GRAMD1B: variants seen among roughly 807,000 people sequenced by gnomAD.
GRAMD1B encodes GRAM domain containing 1B.
A neutral mutation model predicts 99.7 loss-of-function variants in GRAMD1B; 37 were observed. That is an observed-to-expected ratio of 0.37 (90% confidence interval 0.29 to 0.49). GRAMD1B has a LOEUF of 0.49. GRAMD1B is among the 20% of genes least tolerant of loss of function. GRAMD1B has a pLI of 0.98. For missense variants in GRAMD1B, 888 were observed against 1,009.2 expected (o/e 0.88, Z 1.63); for synonymous variants, 427 against 387.6 (o/e 1.10, Z -1.19).
intron 1 of GRAMD1B, among the ~76,000 whole-genome samples, chr11:123,398,575 T>C (rs1008132864): frequency 2.6e-5 from 4 of 152,346 alleles, no homozygotes; most frequent in African/African-American, 9.6e-5. Context: ...TTGTTCCACA[T>C]CCTTGGCACC....
chr11:123,593,617 G>A (rs1950921690), intron 4 of GRAMD1B, among the ~76,000 whole-genome samples: 1 of 152,120 alleles, frequency 6.6e-6, no homozygotes, highest in Non-Finnish European at 1.5e-5. Flanking sequence ...TTCCCACACA[G>A]CCAAGTGCTC....
chr11:123,407,589 A>C (rs552205954), intron 1 of GRAMD1B, among the ~76,000 whole-genome samples: 7 of 152,262 alleles, frequency 4.6e-5, no homozygotes, highest in Middle Eastern at 3.4e-3. Flanking sequence ...TGGTCACACC[A>C]CCAGGTGATC....
rs571279314 is a variant in GRAMD1B at position 123,472,239 on chromosome 11, A to G, written c.375-8577A>G. On this transcript the variant is annotated intron_variant, in intron 1 of 19. Coordinates refer to ENST00000635736, the MANE Select transcript of GRAMD1B (RefSeq NM_001387025.1). ...CAAGACTCTGTCTCAAAAAAAAAAA[A>G]AGAGAAAAAGAAAAAAGAAAGAAGT... 1.7e-3 allele frequency among the ~76,000 whole-genome samples: 262 copies of G among 150,612 alleles called. 1 individual carries two copies. The highest frequency in any genetic ancestry group is 5.9e-3 in the African/African-American group (245 of 41,230).
intron 2 of GRAMD1B, among the ~76,000 whole-genome samples, chr11:123,561,005 C>A (rs1046047813): frequency 2.0e-5 from 3 of 152,110 alleles, no homozygotes; most frequent in Non-Finnish European, 2.9e-5. Flanking sequence ...CCCTCCCTAG[C>A]CTTTTCTTTT....
intron 1 of GRAMD1B, among the ~76,000 whole-genome samples, chr11:123,475,661 G>A (rs1196889581): frequency 6.6e-6 from 1 of 152,180 alleles, no homozygotes; most frequent in East Asian, 1.9e-4. Context: ...CCAAATCCTA[G>A]TTTAGAGTTT....
intron 1 of GRAMD1B, among the ~76,000 whole-genome samples, chr11:123,476,589 A>G (rs748782368): frequency 3.9e-5 from 6 of 152,162 alleles, no homozygotes; most frequent in African/African-American, 1.2e-4. Context: ...GAGCTTTCCA[A>G]CAGAGGTGTC....
rs987922733 is a variant in GRAMD1B at position 123,430,725 on chromosome 11, A to G, written c.-68A>G. On this transcript the variant is annotated 5_prime_UTR_variant, in exon 1 of 20. Coordinates refer to ENST00000635736, the MANE Select transcript of GRAMD1B (RefSeq NM_001387025.1). ...TGCCGCGGGGCCGAGGGTGGGGAAC[A>G]GCCAGAGGGAGACGCGAACCAGGCC... The G allele has an allele frequency of 3.2e-5, 19 of 594,622 alleles. No homozygotes were observed. Among genetic ancestry groups the G allele is most frequent in the Non-Finnish European group, 5.6e-5 (19 of 336,886 alleles). The allele number at this position is 594,622 out of a possible 1,614,324, so 36.8% of individuals were successfully genotyped here.
chr11:123,603,569 G>A (rs1952275948), intron 9 of GRAMD1B, 28 bp downstream of exon 9: 1 of 1,376,778 alleles, frequency 7.3e-7, no homozygotes, highest in African/African-American at 1.4e-5. Flanking sequence ...CGGCTGCCCA[G>A]AGGCAGCCGT....
Position 123,608,675 on chromosome 11 carries a change from C to T in GRAMD1B, c.1530C>T (p.Phe510=). ...TCTGTGCAGGAGAGGTCCAGGCCTT[C>T]TATGAGGACCTGAGTGGCCGGCAGT... ...DTHDEGEVQA[F]YEDLSGRQYV... is the part of the protein sequence containing the mutation. The change falls in exon 12 of 20, where the codon TTC becomes TTT. Residue 510 remains phenylalanine, a synonymous_variant. Transcript: ENST00000635736. The T allele has an allele frequency of 6.3e-7, 1 of 1,575,576 alleles. No homozygotes were observed. The highest frequency in any genetic ancestry group is 8.6e-7 in the Non-Finnish European group (1 of 1,159,514).
intron 2 of GRAMD1B, among the ~76,000 whole-genome samples, chr11:123,556,986 C>T (rs992578821): frequency 6.6e-6 from 1 of 152,178 alleles, no homozygotes; most frequent in African/African-American, 2.4e-5. Context: ...GCAATGTAAT[C>T]GTTCAGAGTA....
At chr11:123,390,539 A>G (rs1947239980) in intron 1 of GRAMD1B, among the ~76,000 whole-genome samples, 1 of 152,370 alleles carries the variant, frequency 6.6e-6, no homozygotes. Context: ...CACTACTGTT[A>G]TGATTCTCAG....
chr11:123,365,486 A>G (rs1438909600), intron 1 of GRAMD1B, among the ~76,000 whole-genome samples: 1 of 152,184 alleles, frequency 6.6e-6, no homozygotes. Context: ...TCCTGACCTC[A>G]GGTGATCCAC....
At chr11:123,394,599 T>C (rs1160784467) in intron 1 of GRAMD1B, among the ~76,000 whole-genome samples, 9 of 152,236 alleles carry the variant, frequency 5.9e-5, no homozygotes, top group Non-Finnish European at 1.0e-4. Flanking sequence ...GAGCATCTTC[T>C]ATGTGCTAAG....
At position 123,392,210 on chromosome 11, in the gene GRAMD1B, A is replaced by G. The variant is rs533057574; in HGVS notation, c.-176+33411A>G. Reference sequence around the variant, plus strand: ...ATGAGTAAGTTAGAAAGGGTAGAAGAGGAGAATGAAAGCAGGGACAAGTCT... The same window carrying G: ...ATGAGTAAGTTAGAAAGGGTAGAAGGGGAGAATGAAAGCAGGGACAAGTCT... On this transcript the variant is annotated intron_variant, in intron 1 of 20. Transcript: ENST00000638157. Among the ~76,000 whole-genome samples the G allele has an allele frequency of 2.6e-5, 4 of 152,132 alleles. No homozygotes were observed. The East Asian group carries it at 7.8e-4, about 30-fold the overall frequency.
intron 4 of GRAMD1B, 42 bp downstream of exon 4, chr11:123,584,374 T>TTGGGGGGAAAGGGTGTGGGGTGCGATTGG: frequency 7.1e-6 from 1 of 141,006 alleles, no homozygotes; most frequent in South Asian, 7.1e-5. Flanking sequence ...ACCTGAGAAA[T>TTGGGGGGAAAGGGTGTGGGGTGCGATTGG]GGGAGGGGGA....
intron 1 of GRAMD1B, among the ~76,000 whole-genome samples, chr11:123,418,451 G>GT (rs1479603119): frequency 2.0e-5 from 3 of 152,152 alleles, no homozygotes; most frequent in South Asian, 2.1e-4. Context: ...TAGATAAGCT[G>GT]TTTTTTCCAA....
chr11:123,368,507 C>T (rs1946403125), intron 1 of GRAMD1B, among the ~76,000 whole-genome samples: 1 of 150,660 alleles, frequency 6.6e-6, no homozygotes, highest in African/African-American at 2.4e-5. Flanking sequence ...TGGTGAAACC[C>T]CATCTCTACA....
intron 1 of GRAMD1B, among the ~76,000 whole-genome samples, chr11:123,362,265 G>A (rs1176898358): frequency 2.0e-5 from 3 of 152,198 alleles, no homozygotes; most frequent in African/African-American, 7.2e-5. Flanking sequence ...GGTTTCATCA[G>A]CCATTCTAAC....
chr11:123,603,254 G>A (rs1263531632), intron 8 of GRAMD1B, among the ~76,000 whole-genome samples, 172 bp from the exon 9 acceptor site: 1 of 152,198 alleles, frequency 6.6e-6, no homozygotes, highest in African/African-American at 2.4e-5. Flanking sequence ...GCAGAAGACT[G>A]GTGTCCTGCT....
Sources: gnomAD v4.1 joint callset for allele counts (sites outside exome capture counted in the v4.1 genomes callset) on GRCh38, gnomAD v4.1.1 for gene constraint, MANE v1.5 for transcripts, NCBI Gene and HGNC (gene_info 2026-07-23, HGNC 2026-07-21) for gene names.